SIPA1L1: variants seen among roughly 807,000 people sequenced by gnomAD.
SIPA1L1 encodes signal-induced proliferation-associated 1-like protein 1.
A neutral mutation model predicts 162.7 loss-of-function variants in SIPA1L1; 26 were observed. The ratio of observed to expected loss-of-function variants is 0.16; its 90% CI spans 0.12 to 0.22. SIPA1L1 has a LOEUF of 0.22. Among genes scored for constraint, SIPA1L1 ranks in the 10% least tolerant of loss-of-function variants. SIPA1L1 has a pLI of 1.00. For missense variants in SIPA1L1, 1,874 were observed against 2,241.0 expected (o/e 0.84, Z 3.31); for synonymous variants, 829 against 837.4 (o/e 0.99, Z 0.17).
intron 2 of SIPA1L1, among the ~76,000 whole-genome samples, chr14:71,391,066 A>C (rs1006649162): frequency 7.9e-5 from 12 of 151,726 alleles, no homozygotes; most frequent in Non-Finnish European, 1.8e-4. Context: ...TAGAAAAAAA[A>C]GCCAACAAAA....
chr14:71,370,746 G>A (rs1436682108), intron 2 of SIPA1L1, among the ~76,000 whole-genome samples: 1 of 152,176 alleles, frequency 6.6e-6, no homozygotes, highest in African/African-American at 2.4e-5. Flanking sequence ...TATGAATCTA[G>A]GATTCAAAGG....
intron 12 of SIPA1L1, among the ~76,000 whole-genome samples, chr14:71,677,897 T>C (rs953742950): frequency 6.6e-6 from 1 of 152,200 alleles, no homozygotes; most frequent in African/African-American, 2.4e-5. Flanking sequence ...TAGTTTGAAG[T>C]CAAATAGCGT....
chr14:71,410,792 A>G (rs1344188629), intron 2 of SIPA1L1, among the ~76,000 whole-genome samples: 2 of 152,208 alleles, frequency 1.3e-5, no homozygotes, highest in Non-Finnish European at 2.9e-5. Context: ...GAGAAGGTTC[A>G]TTGTCAGAAT....
At chr14:71,323,336 CTGTT>C (rs1011609964) in intron 2 of SIPA1L1, among the ~76,000 whole-genome samples, 10 of 152,090 alleles carry the variant, frequency 6.6e-5, no homozygotes, top group East Asian at 5.8e-4. Context: ...TTTTAAAAAT[CTGTT>C]TGAGCTGTGA....
chr14:71,445,322 C>T (rs2045257582), intron 2 of SIPA1L1, among the ~76,000 whole-genome samples: 1 of 152,118 alleles, frequency 6.6e-6, no homozygotes, highest in Non-Finnish European at 1.5e-5. Flanking sequence ...AATCAGAATT[C>T]ACTTTTTTTG....
chr14:71,355,867 T>C (rs2140738776), intron 2 of SIPA1L1, among the ~76,000 whole-genome samples: 1 of 152,382 alleles, frequency 6.6e-6, no homozygotes, highest in East Asian at 1.9e-4. Flanking sequence ...GAATATTTGC[T>C]ATGAGTGTTG....
chr14:71,733,337 A>G (rs2084977519), intron 20 of SIPA1L1, among the ~76,000 whole-genome samples: 1 of 152,240 alleles, frequency 6.6e-6, no homozygotes. Flanking sequence ...GACTCTGTGC[A>G]GGAAAGTAGA....
At chr14:71,680,760 C>T (rs2045724917) in intron 12 of SIPA1L1, among the ~76,000 whole-genome samples, 1 of 152,146 alleles carries the variant, frequency 6.6e-6, no homozygotes, top group African/African-American at 2.4e-5. Context: ...ACCACCGATC[C>T]CACAGAAACA....
chr14:71,665,295 A>C (rs1384854317), intron 10 of SIPA1L1, among the ~76,000 whole-genome samples: 1 of 152,230 alleles, frequency 6.6e-6, no homozygotes, highest in East Asian at 1.9e-4. Context: ...AGATCTCAAA[A>C]TAATGTGGTA....
chr14:71,704,432 T>C (rs1391472231), intron 15 of SIPA1L1, among the ~76,000 whole-genome samples: 2 of 152,140 alleles, frequency 1.3e-5, no homozygotes, highest in Admixed American at 6.5e-5. Flanking sequence ...GAGACAGGAG[T>C]TTAGCCTACT....
chr14:71,667,606 T>G (rs1039419051), intron 10 of SIPA1L1, among the ~76,000 whole-genome samples: 1 of 152,228 alleles, frequency 6.6e-6, no homozygotes, highest in Non-Finnish European at 1.5e-5. Context: ...GTAATCTGAT[T>G]CAGGCTCCAA....
intron 4 of SIPA1L1, among the ~76,000 whole-genome samples, chr14:71,570,836 G>C (rs1404427813): frequency 6.6e-6 from 1 of 151,980 alleles, no homozygotes; most frequent in African/African-American, 2.4e-5. Flanking sequence ...ACCCAGGCTG[G>C]GGTGCAGTGG....
Position 71,672,465 on chromosome 14 carries a change from G to T in SIPA1L1, c.2947G>T (p.Ala983Ser). 12 of 1,614,240 alleles carry T rather than the reference G, an allele frequency of 7.4e-6. No homozygotes were observed. Among genetic ancestry groups the T allele is most frequent in the Non-Finnish European group, 1.0e-5 (12 of 1,180,042 alleles). Reference sequence around the variant, plus strand: ...GGCGGATGTGGAGCCCTACGGTTATGCCTGGCAGGCAGGGCTGAGGCAGGG... The same window carrying T: ...GGCGGATGTGGAGCCCTACGGTTATTCCTGGCAGGCAGGGCTGAGGCAGGG... ...IVADVEPYGY[A>S]WQAGLRQGSR... Residue 983 changes from alanine to serine, a missense_variant, in exon 12 of 24, where the codon GCC becomes TCC. Ala to Ser is a moderately conservative substitution (Grantham distance 99). Transcript: ENST00000381232.
At chr14:71,363,910 C>G (rs2038036665) in intron 2 of SIPA1L1, among the ~76,000 whole-genome samples, 1 of 152,018 alleles carries the variant, frequency 6.6e-6, no homozygotes. Flanking sequence ...TTACTAGTTT[C>G]CCTCCATCAG....
chr14:71,516,747 C>T (rs992302493), intron 3 of SIPA1L1, among the ~76,000 whole-genome samples: 5 of 151,302 alleles, frequency 3.3e-5, no homozygotes, highest in African/African-American at 2.4e-5. Context: ...CTGAGGCAGG[C>T]GGATTGCTTG....
intron 2 of SIPA1L1, among the ~76,000 whole-genome samples, chr14:71,396,904 C>T (rs559226705): frequency 3.3e-5 from 5 of 152,178 alleles, no homozygotes; most frequent in African/African-American, 1.2e-4. Flanking sequence ...TGAGTTAGTT[C>T]CATTTGTGGA....
intron 4 of SIPA1L1, among the ~76,000 whole-genome samples, chr14:71,548,452 T>A (rs1414004861): frequency 6.6e-6 from 1 of 152,190 alleles, no homozygotes; most frequent in African/African-American, 2.4e-5. Flanking sequence ...AGATATCAGA[T>A]AAAATCAGTG....
At chr14:71,388,980 G>C (rs1373879176) in intron 2 of SIPA1L1, among the ~76,000 whole-genome samples, 4 of 152,118 alleles carry the variant, frequency 2.6e-5, no homozygotes, top group East Asian at 1.9e-4. Flanking sequence ...GGGTCTTGCT[G>C]TGTTGCCCAG....
intron 2 of SIPA1L1, among the ~76,000 whole-genome samples, chr14:71,459,777 G>A (rs772891986): frequency 1.3e-5 from 2 of 152,020 alleles, no homozygotes; most frequent in Non-Finnish European, 2.9e-5. Flanking sequence ...ATCTTTTTTG[G>A]CAGCACCCTT....
Sources: allele counts gnomAD v4.1 joint callset (sites outside exome capture counted in the v4.1 genomes callset), GRCh38; gene constraint gnomAD v4.1.1; transcripts MANE v1.5; gene names NCBI Gene and HGNC (gene_info 2026-07-23, HGNC 2026-07-21).